Variants in CACNA1I observed in about 807,000 individuals in gnomAD.
CACNA1I encodes voltage-dependent T-type calcium channel subunit alpha-1I.
In CACNA1I, 74 loss-of-function variants were observed where a neutral mutation model predicts 201.6. That is an observed-to-expected ratio of 0.37 (90% CI 0.30 to 0.45). CACNA1I has a LOEUF of 0.45. Ranked by LOEUF, CACNA1I falls within the 20% of genes least tolerant of loss-of-function variation. CACNA1I has a pLI of 1.00. For synonymous variants in CACNA1I, 1,431 were observed against 1,345.2 expected (o/e 1.06, Z -1.40); for missense variants, 2,346 against 3,138.1 (o/e 0.75, Z 6.03).
intron 10 of CACNA1I, chr22:39,656,445 A>G (rs1390411495): frequency 1.9e-6 from 1 of 518,398 alleles, no homozygotes; most frequent in Non-Finnish European, 3.9e-6. Flanking sequence ...CCCCACTAGC[A>G]CCGCTCCCCT....
rs1268942220 is a variant in CACNA1I, at chr22:39,686,435, C to A, written c.*30C>A. 3 of 1,210,652 alleles carry A rather than the reference C, an allele frequency of 2.5e-6. No homozygotes were observed. The highest frequency in any genetic ancestry group is 3.1e-6 in the Non-Finnish European group (3 of 967,278). 75.0% of individuals were successfully genotyped at this position (1,210,652 alleles called of 1,614,324 possible). A position where few individuals can be genotyped will look rare whatever the true frequency, so the allele number is the denominator to read the frequency against. Reference sequence around the variant, plus strand: ...CGCAGGGGCCCCCGGCCGCCCACCGCCCGCCCCGTCTCACCTTCTTTACCT... The same window carrying A: ...CGCAGGGGCCCCCGGCCGCCCACCGACCGCCCCGTCTCACCTTCTTTACCT... On this transcript the variant is annotated 3_prime_UTR_variant, in exon 37 of 37. Coordinates refer to ENST00000402142, the MANE Select transcript of CACNA1I (RefSeq NM_021096.4).
intron 3 of CACNA1I, among the ~76,000 whole-genome samples, chr22:39,601,900 T>C (rs2146370627): frequency 2.8e-5 from 1 of 36,242 alleles, no homozygotes; most frequent in Non-Finnish European, 5.5e-5. Flanking sequence ...TCACCCTCCC[T>C]CCCTCCCTCC....
intron 4 of CACNA1I, among the ~76,000 whole-genome samples, chr22:39,631,175 G>A (rs1017931710): frequency 2.0e-5 from 3 of 152,196 alleles, no homozygotes; most frequent in Admixed American, 6.5e-5. Context: ...CCCCTCTGTA[G>A]ATGAGGCCAC....
At chr22:39,612,533 T>C (rs1933414620) in intron 3 of CACNA1I, among the ~76,000 whole-genome samples, 1 of 152,092 alleles carries the variant, frequency 6.6e-6, no homozygotes, top group Non-Finnish European at 1.5e-5. Flanking sequence ...CACTTCCTCA[T>C]AGATGAGTCT....
chr22:39,671,638 G>A (rs764911663), intron 26 of CACNA1I, among the ~76,000 whole-genome samples: 16 of 152,260 alleles, frequency 1.1e-4, no homozygotes, highest in African/African-American at 2.4e-4. Flanking sequence ...AAGCAGAGCC[G>A]CCAGGTGTGA....
At chr22:39,661,906 T>C in intron 16 of CACNA1I, 59 bp from the exon 17 acceptor site, 1 of 1,204,034 alleles carries the variant, frequency 8.3e-7, no homozygotes, top group South Asian at 1.6e-5. Flanking sequence ...TTTGGGCACC[T>C]GGTGCCCCAG....
At chr22:39,650,629 C>T (rs1934619599) in intron 10 of CACNA1I, among the ~76,000 whole-genome samples, 1 of 152,270 alleles carries the variant, frequency 6.6e-6, no homozygotes, top group African/African-American at 2.4e-5. Context: ...GTCCCTTCAC[C>T]AGGCCAGGGT....
intron 10 of CACNA1I, among the ~76,000 whole-genome samples, chr22:39,652,099 T>C (rs1376487919): frequency 6.6e-6 from 1 of 151,432 alleles, no homozygotes; most frequent in Admixed American, 6.6e-5. Context: ...ATTGGTGTGA[T>C]CTGGGCTCAC....
intron 1 of CACNA1I, among the ~76,000 whole-genome samples, chr22:39,585,947 A>G (rs986600206): frequency 1.1e-4 from 17 of 152,014 alleles, no homozygotes; most frequent in African/African-American, 3.9e-4. Context: ...TTGGAGGCCG[A>G]GGTGGGTGGA....
rs1394899743 is a variant in CACNA1I, at chr22:39,665,020, C to G, written c.3851+97C>G. 1 of 1,142,644 alleles carries G rather than the reference C, an allele frequency of 8.8e-7. No homozygotes were observed. Among genetic ancestry groups the G allele is most frequent in the East Asian group, 2.5e-5 (1 of 40,460 alleles). The allele number at this position is 1,142,644 out of a possible 1,614,324, so 70.8% of individuals were successfully genotyped here. ...CCCTCACTCCGCCCTCCCCGCCCGC[C>G]CACTCGGTCCTCCAATAGTGAGTGC... On this transcript the variant is annotated intron_variant, in intron 21 of 36. Transcript: ENST00000402142. The surrounding 1 kb of genome is among the most constrained non-coding windows in gnomAD (Gnocchi z 5.5).
intron 2 of CACNA1I, among the ~76,000 whole-genome samples, chr22:39,599,012 G>A (rs1755307328): frequency 7.1e-6 from 1 of 140,358 alleles, no homozygotes; most frequent in African/African-American, 2.7e-5. Flanking sequence ...GCAGTGGCGC[G>A]ATCTCGGTTC....
At position 39,673,987 on chromosome 22, in the gene CACNA1I, C is replaced by A. The variant is rs1236627452; in HGVS notation, c.4808C>A (p.Thr1603Lys). 6.2e-7 allele frequency: 1 copy of A among 1,613,278 alleles called. No homozygotes were observed. The highest frequency in any genetic ancestry group is 2.2e-5 in the East Asian group (1 of 44,888). The change falls in exon 29 of 37, where the codon ACA (threonine) becomes AAA (lysine). Residue 1603 changes from threonine (T) to lysine (K), a missense_variant. Transcript: ENST00000402142. ...GTGCTGAAGCTGTTGAAGATGGCCA[C>A]AGGAATGCGGGCCCTGCTGGACACG... ...ARVLKLLKMA[T>K]GMRALLDTVV...
At chr22:39,671,688 T>A (rs1432663466) in intron 26 of CACNA1I, among the ~76,000 whole-genome samples, 1 of 152,144 alleles carries the variant, frequency 6.6e-6, no homozygotes, top group Non-Finnish European at 1.5e-5. Context: ...AGGAATATTA[T>A]GAATGCAGAA....
chr22:39,682,726 A>G, intron 35 of CACNA1I, 65 bp downstream of exon 35: 2 of 1,435,846 alleles, frequency 1.4e-6, no homozygotes. Flanking sequence ...TCAGAGGGAG[A>G]TGGCTGAGTT....
chr22:39,679,922 G>A (rs1351926371), intron 33 of CACNA1I, 54 bp downstream of exon 33: 4 of 1,559,830 alleles, frequency 2.6e-6, no homozygotes, highest in Non-Finnish European at 2.6e-6. Flanking sequence ...CACGAAACCT[G>A]GTGGGGGGCC....
At chr22:39,673,905 C>T (rs1345615792) in intron 28 of CACNA1I, 58 bp from the exon 29 acceptor site, 2 of 1,533,310 alleles carry the variant, frequency 1.3e-6, no homozygotes, top group African/African-American at 2.7e-5. Context: ...CACATGCGTG[C>T]ACACACACGT....
intron 4 of CACNA1I, among the ~76,000 whole-genome samples, chr22:39,630,109 G>A (rs1178820061): frequency 6.6e-6 from 1 of 152,076 alleles, no homozygotes; most frequent in African/African-American, 2.4e-5. Flanking sequence ...CCTCCGACTT[G>A]AGGGCTGTCC....
Position 39,665,647 on chromosome 22 carries a change from AG to A in CACNA1I, c.3978+26del. The A allele has an allele frequency of 6.2e-7, 1 of 1,611,910 alleles. No individual in the cohort carries two copies. The highest frequency in any genetic ancestry group is 8.5e-7 in the Non-Finnish European group (1 of 1,178,476). On this transcript the variant is annotated intron_variant, in intron 22 of 36. Coordinates refer to ENST00000402142, the MANE Select transcript of CACNA1I (RefSeq NM_021096.4). The surrounding 1 kb of genome is among the most constrained non-coding windows in gnomAD (Gnocchi z 5.5). ...CAGGTGAGGGGTGCCCAGTCTGGGCAGGGACTGGGCTCTGTGACTGGGGAAA... is the reference window on the plus strand; with the variant it reads ...CAGGTGAGGGGTGCCCAGTCTGGGCAGGACTGGGCTCTGTGACTGGGGAAA...
intron 6 of CACNA1I, among the ~76,000 whole-genome samples, chr22:39,642,582 C>T (rs1334973675): frequency 1.3e-5 from 2 of 152,216 alleles, no homozygotes; most frequent in Non-Finnish European, 2.9e-5. Context: ...CCCTTCCTGG[C>T]TGTGTGACAG....
Sources: gnomAD v4.1 joint callset for allele counts (sites outside exome capture counted in the v4.1 genomes callset) on GRCh38, gnomAD v4.1.1 for gene constraint, Gnocchi (gnomAD v3.1) non-coding constraint, MANE v1.5 for transcripts, NCBI Gene and HGNC (gene_info 2026-07-23, HGNC 2026-07-21) for gene names.